EPM2A: variants seen among roughly 807,000 people sequenced by gnomAD.
EPM2A encodes laforin.
EPM2A carries 21 observed loss-of-function variants against 26.5 expected under a neutral mutation model. The ratio of observed to expected loss-of-function variants is 0.79; its 90% CI spans 0.56 to 1.14. The LOEUF is 1.14. EPM2A is among the 50% of genes most tolerant of loss of function. The pLI, the probability that EPM2A is intolerant of heterozygous loss-of-function variation, is 0.00. For missense variants in EPM2A, 458 were observed against 440.8 expected, an observed-to-expected ratio of 1.04 and a Z score of -0.35; for synonymous variants, 217 against 177.6, an observed-to-expected ratio of 1.22 and a Z score of -1.76.
At position 145,717,871 on chromosome 6, in the gene EPM2A, C is replaced by G. The variant is rs376399967; in HGVS notation, c.301+17327G>C. ...CATGAGTGAACTCCCATTCACAATT[C>G]CTTCAAAGAGAATAAAATACCTAGG... On this transcript the variant is annotated intron_variant, in intron 1 of 3. Coordinates refer to ENST00000367519, the MANE Select transcript of EPM2A (RefSeq NM_005670.4). 8.6e-3 allele frequency among the ~76,000 whole-genome samples: 1,282 copies of G among 149,810 alleles called. 17 individuals are homozygous for G. The highest frequency in any genetic ancestry group is 0.027 in the African/African-American group (1,126 of 40,976).
intron 4 of EPM2A, among the ~76,000 whole-genome samples, chr6:145,469,137 AG>A (rs1779438368): frequency 6.6e-6 from 1 of 152,138 alleles, no homozygotes. Flanking sequence ...GCAAAGGGGA[AG>A]AAAGGCACCC....
At chr6:145,553,612 C>T (rs974316983) in intron 2 of EPM2A, among the ~76,000 whole-genome samples, 3 of 151,918 alleles carry the variant, frequency 2.0e-5, no homozygotes, top group Non-Finnish European at 4.4e-5. Flanking sequence ...CACTGCTCAT[C>T]AATCAGAGCT....
At chr6:145,447,622 A>G (rs1046348731) in intron 4 of EPM2A, among the ~76,000 whole-genome samples, 1 of 152,150 alleles carries the variant, frequency 6.6e-6, no homozygotes, top group East Asian at 1.9e-4. Context: ...ACACTGAACA[A>G]TAGAAACACT....
intron 2 of EPM2A, chr6:145,636,898 T>TG: frequency 6.9e-6 from 1 of 144,938 alleles, no homozygotes; most frequent in Non-Finnish European, 1.5e-5. Context: ...CACTCCAGCC[T>TG]GGGCGATGGG....
intron 1 of EPM2A, among the ~76,000 whole-genome samples, chr6:145,692,223 A>C (rs1781322534): frequency 6.6e-6 from 1 of 152,088 alleles, no homozygotes; most frequent in African/African-American, 2.4e-5. Context: ...TACGTAAAGC[A>C]AAAAACTGAG....
chr6:145,397,164 C>T (rs912349300), intron 4 of EPM2A, among the ~76,000 whole-genome samples: 4 of 152,154 alleles, frequency 2.6e-5, no homozygotes, highest in African/African-American at 9.7e-5. Context: ...GGTTTGGTAG[C>T]TCAGGCCTGT....
intron 1 of EPM2A, among the ~76,000 whole-genome samples, chr6:145,688,370 AG>A (rs1187103168): frequency 1.3e-5 from 2 of 152,216 alleles, no homozygotes; most frequent in African/African-American, 4.8e-5. Context: ...TAATTGGAAA[AG>A]GAAGGTGAAG....
intron 4 of EPM2A, among the ~76,000 whole-genome samples, chr6:145,396,847 T>A (rs1778411851): frequency 6.6e-6 from 1 of 152,210 alleles, no homozygotes; most frequent in East Asian, 1.9e-4. Flanking sequence ...GGCCAAATAC[T>A]ACTTGAGAAA....
At chr6:145,567,750 T>C (rs1026718554) in intron 2 of EPM2A, among the ~76,000 whole-genome samples, 5 of 152,222 alleles carry the variant, frequency 3.3e-5, no homozygotes, top group South Asian at 2.1e-4. Context: ...TATTGAATCC[T>C]GGAGCAAGAT....
chr6:145,447,935 A>C (rs1301661378), intron 4 of EPM2A, among the ~76,000 whole-genome samples: 1 of 152,090 alleles, frequency 6.6e-6, no homozygotes, highest in Non-Finnish European at 1.5e-5. Context: ...GTTTTTAAAA[A>C]TTCTCAAAAG....
At chr6:145,386,236 G>C (rs1778259973) in intron 4 of EPM2A, among the ~76,000 whole-genome samples, 1 of 152,032 alleles carries the variant, frequency 6.6e-6, no homozygotes, top group African/African-American at 2.4e-5. Flanking sequence ...GCTCAGATTG[G>C]ACACTGGAAA....
chr6:145,596,430 A>G (rs1781344034), intron 2 of EPM2A, among the ~76,000 whole-genome samples: 1 of 152,156 alleles, frequency 6.6e-6, no homozygotes, highest in Admixed American at 6.5e-5. Flanking sequence ...ATTCTGTTAG[A>G]TGAAAATCTC....
chr6:145,698,594 T>C (rs562361412), intron 1 of EPM2A, among the ~76,000 whole-genome samples: 4 of 145,096 alleles, frequency 2.8e-5, no homozygotes, highest in South Asian at 2.2e-4. Context: ...CCAAGTTAAT[T>C]TGAAGAAACA....
chr6:145,676,349 C>T (rs1203262055), intron 2 of EPM2A, among the ~76,000 whole-genome samples: 2 of 152,074 alleles, frequency 1.3e-5, no homozygotes, highest in Admixed American at 6.5e-5. Flanking sequence ...GACACCCTAA[C>T]ATCACAATTA....
Position 145,625,540 on chromosome 6 carries a change from T to G in EPM2A, c.*1876A>C. On this transcript the variant is annotated 3_prime_UTR_variant, in exon 4 of 4. Coordinates refer to ENST00000367519, the MANE Select transcript of EPM2A (RefSeq NM_005670.4). The stretch of plus-strand genomic sequence containing the variant: ...CATTAAAGAAATTCACAGACCCACA[T>G]AGTTTAAAAATTTAATTTTTAAGAT... 1.6e-6 allele frequency: 1 copy of G among 616,162 alleles called. No homozygotes were observed. The highest frequency in any genetic ancestry group is 2.8e-5 in the East Asian group (1 of 36,094). 38.2% of individuals were successfully genotyped at this position (616,162 alleles called of 1,614,324 possible).
At chr6:145,588,053 T>C (rs1042212846) in intron 2 of EPM2A, among the ~76,000 whole-genome samples, 4 of 152,190 alleles carry the variant, frequency 2.6e-5, no homozygotes, top group Non-Finnish European at 5.9e-5. Flanking sequence ...CACTTATCAA[T>C]TGCTGACAAT....
At chr6:145,631,439 T>C (rs1167829957) in intron 3 of EPM2A, 1 of 152,176 alleles carries the variant, frequency 6.6e-6, no homozygotes, top group African/African-American at 2.4e-5. Context: ...TGTAAATCCT[T>C]TGCAGGTCAA....
chr6:145,390,557 T>C (rs1778323821), intron 4 of EPM2A, among the ~76,000 whole-genome samples: 1 of 108,534 alleles, frequency 9.2e-6, no homozygotes, highest in Non-Finnish European at 2.2e-5. Flanking sequence ...ATGTTGTGCA[T>C]GCACATTCTC....
chr6:145,428,075 G>GT (rs11343322), intron 4 of EPM2A, among the ~76,000 whole-genome samples: 9,067 of 97,488 alleles, frequency 0.093, 565 homozygotes, highest in South Asian at 0.16. Context: ...TGTGTTGATA[G>GT]TTTTTTTTTT....
Sources: allele counts gnomAD v4.1 joint callset (sites outside exome capture counted in the v4.1 genomes callset), GRCh38; gene constraint gnomAD v4.1.1; transcripts MANE v1.5; gene names NCBI Gene and HGNC (gene_info 2026-07-23, HGNC 2026-07-21).